GRIP2: variants seen among roughly 807,000 people sequenced by gnomAD.
GRIP2 encodes glutamate receptor-interacting protein 2.
A neutral mutation model predicts 108.3 loss-of-function variants in GRIP2; 58 were observed. The observed-to-expected ratio is 0.54, with a 90% CI of 0.43 to 0.67. The LOEUF (loss-of-function observed/expected upper bound fraction) is 0.67. Ranked by LOEUF, GRIP2 falls within the 30% of genes least tolerant of loss-of-function variation. GRIP2 has a pLI of 0.00. For synonymous variants in GRIP2, 586 were observed against 598.2 expected (o/e 0.98, Z 0.30); for missense variants, 1,278 against 1,430.6 (o/e 0.89, Z 1.72).
the GRIP2 span, chr3:14,574,153 C>G: frequency 1.1e-6 from 1 of 924,262 alleles, no homozygotes; most frequent in South Asian, 1.3e-5. Flanking sequence ...TAGATGCACA[C>G]GGCTAGAATG....
At chr3:14,527,095 G>C (rs936511615) in intron 1 of GRIP2, among the ~76,000 whole-genome samples, 2 of 152,132 alleles carry the variant, frequency 1.3e-5, no homozygotes, top group African/African-American at 4.8e-5. Flanking sequence ...GCTGAGGTAG[G>C]GGAATCACTT....
At chr3:14,587,962 A>G in the GRIP2 span, among the ~76,000 whole-genome samples, 2 of 152,262 alleles carry the variant, frequency 1.3e-5, no homozygotes, top group Admixed American at 1.3e-4. Context: ...TTCATAAAGT[A>G]GCCATGTATT....
At chr3:14,570,345 T>C in the GRIP2 span, among the ~76,000 whole-genome samples, 1 of 152,066 alleles carries the variant, frequency 6.6e-6, no homozygotes, top group Non-Finnish European at 1.5e-5. Context: ...ACCCTTACAC[T>C]GAAGCAGCAG....
upstream of GRIP2, chr3:14,542,158 TTTTA>T: frequency 6.9e-6 from 7 of 1,010,340 alleles, no homozygotes; most frequent in Admixed American, 3.4e-5. Context: ...TTTTTATTTT[TTTTA>T]TTTTTTTTTG....
At chr3:14,561,552 A>G in the GRIP2 span, among the ~76,000 whole-genome samples, 3 of 152,338 alleles carry the variant, frequency 2.0e-5, no homozygotes, top group East Asian at 5.8e-4. Context: ...CCCAGGAGAT[A>G]GGTTAAAGAA....
At position 14,521,572 on chromosome 3, in the gene GRIP2, G is replaced by A; in HGVS notation, c.712+70C>T. 1 of 1,476,330 alleles carries A rather than the reference G, an allele frequency of 6.8e-7. No homozygotes were observed. The highest frequency in any genetic ancestry group is 9.1e-7 in the Non-Finnish European group (1 of 1,097,102). The allele number at this position is 1,476,330 out of a possible 1,614,324, so 91.5% of individuals were successfully genotyped here. A position where few individuals can be genotyped will look rare whatever the true frequency, so the allele number is the denominator to read the frequency against. Reference sequence around the variant, plus strand: ...AGCCTTTGCAGTGGTAAAGATCCATGGCCACTGCCACCTCCCCCCATCCCA... The same window carrying A: ...AGCCTTTGCAGTGGTAAAGATCCATAGCCACTGCCACCTCCCCCCATCCCA... On this transcript the variant is annotated intron_variant, in intron 7 of 23. Transcript: ENST00000621039. The surrounding 1 kb of genome is among the most constrained non-coding windows in gnomAD (Gnocchi z 5.1).
At chr3:14,575,103 T>C in the GRIP2 span, among the ~76,000 whole-genome samples, 2 of 152,262 alleles carry the variant, frequency 1.3e-5, no homozygotes, top group Admixed American at 6.5e-5. Context: ...GGGGGGATCT[T>C]CTAAGGGGAT....
intron 1 of GRIP2, among the ~76,000 whole-genome samples, chr3:14,553,829 C>G (rs2124983206): frequency 6.6e-6 from 1 of 152,314 alleles, no homozygotes; most frequent in South Asian, 2.1e-4. Context: ...CGTGAATGTG[C>G]AGGCTCACTT....
intron 1 of GRIP2, among the ~76,000 whole-genome samples, chr3:14,529,028 T>C (rs1420649593): frequency 2.0e-5 from 3 of 152,028 alleles, no homozygotes; most frequent in African/African-American, 7.3e-5. Flanking sequence ...CCCAGCACTT[T>C]GGGAGGCCAA....
At position 14,507,446 on chromosome 3, in the gene GRIP2, G is replaced by A. The variant is rs911934346; in HGVS notation, c.2218+115C>T. ...TTATCTTCTTTGCCATCGCAGGCCC[G>A]CCTCCACAGGGCTGCAGTGAGGACT... On this transcript the variant is annotated intron_variant, in intron 18 of 23. Transcript: ENST00000621039. The surrounding 1 kb of genome is among the most constrained non-coding windows in gnomAD (Gnocchi z 4.6). 14 of 1,302,568 alleles carry A rather than the reference G, an allele frequency of 1.1e-5. No homozygotes were observed. The highest frequency in any genetic ancestry group is 1.9e-4 in the Middle Eastern group (1 of 5,220). The allele number at this position is 1,302,568 out of a possible 1,614,324, so 80.7% of individuals were successfully genotyped here.
upstream of GRIP2, among the ~76,000 whole-genome samples, chr3:14,542,750 C>T (rs1184946573): frequency 6.6e-6 from 1 of 152,230 alleles, no homozygotes; most frequent in South Asian, 2.1e-4. Flanking sequence ...CTACTGAGCA[C>T]ATTTTCATTT....
chr3:14,523,240 CAA>C, intron 5 of GRIP2, 165 bp from the exon 6 acceptor site: 1 of 616,348 alleles, frequency 1.6e-6, no homozygotes, highest in South Asian at 2.1e-5. Flanking sequence ...TTCGCCCTCC[CAA>C]GAGATGGTGC....
intron 21 of GRIP2, among the ~76,000 whole-genome samples, chr3:14,499,793 G>A (rs1693718097): frequency 6.6e-6 from 1 of 152,030 alleles, no homozygotes; most frequent in Admixed American, 6.6e-5. Flanking sequence ...CTGTTTACAG[G>A]GGTGTCCAAA....
At position 14,506,730 on chromosome 3, in the gene GRIP2, C is replaced by G. The variant is rs1009388800; in HGVS notation, c.2398+71G>C. On this transcript the variant is annotated intron_variant, in intron 19 of 23. Transcript: ENST00000621039. ...AGGGAGGAACAGGCACAAGAACAGT[C>G]CTGCACAGGCCCAGCAGCAGGGGCG... 15 of 1,397,772 alleles carry G rather than the reference C, an allele frequency of 1.1e-5. No homozygotes were observed. In the African/African-American group the frequency reaches 1.7e-4, roughly 16 times the overall value. The allele number at this position is 1,397,772 out of a possible 1,614,324, so 86.6% of individuals were successfully genotyped here.
rs753019988 is a variant in GRIP2, at chr3:14,514,474, C to A, written c.1311G>T (p.Ser437=). Residue 437 remains serine, a synonymous_variant, in exon 12 of 24, where the codon TCG becomes TCT. Coordinates refer to ENST00000621039, the MANE Select transcript of GRIP2 (RefSeq NM_001080423.4). ...CCGGCCCCACCGTGCTGGAGGCTAGCGACACTGTAGGACAGGTGGGCCCAG... is the reference window on the plus strand; with the variant it reads ...CCGGCCCCACCGTGCTGGAGGCTAGAGACACTGTAGGACAGGTGGGCCCAG... The part of the protein sequence containing the change: ...QRRREHKSSL[S]LASSTVGPGG... The A allele has an allele frequency of 1.9e-6, 3 of 1,568,554 alleles. No homozygotes were observed. The highest frequency in any genetic ancestry group is 1.3e-5 in the African/African-American group (1 of 74,108).
intron 17 of GRIP2, 103 bp downstream of exon 17, chr3:14,509,715 ATG>A: frequency 8.6e-7 from 1 of 1,158,412 alleles, no homozygotes; most frequent in Non-Finnish European, 1.1e-6. Context: ...CACAGTGTCA[ATG>A]TTGGAACAGA....
chr3:14,510,258 G>GTTTTTTTTTTTTTTTTTTTTTTTTTTTT, intron 16 of GRIP2, among the ~76,000 whole-genome samples: 1 of 92,288 alleles, frequency 1.1e-5, no homozygotes, highest in Non-Finnish European at 2.0e-5. Flanking sequence ...ATCATCCGTT[G>GTTTTTTTTTTTTTTTTTTTTTTTTTTTT]TTTTTTTTTT....
the GRIP2 span, among the ~76,000 whole-genome samples, chr3:14,583,060 G>T: frequency 5.3e-5 from 8 of 152,190 alleles, no homozygotes; most frequent in Admixed American, 2.6e-4. Context: ...AGAGCAAGTG[G>T]CTGAGCAGGA....
At chr3:14,526,723 T>C (rs1004014466) in intron 1 of GRIP2, among the ~76,000 whole-genome samples, 1 of 152,232 alleles carries the variant, frequency 6.6e-6, no homozygotes, top group Non-Finnish European at 1.5e-5. Flanking sequence ...TTTATCTCTC[T>C]AAGATACGTC....
Sources: gnomAD v4.1 joint callset for allele counts (sites outside exome capture counted in the v4.1 genomes callset) on GRCh38, gnomAD v4.1.1 for gene constraint, Gnocchi (gnomAD v3.1) non-coding constraint, MANE v1.5 for transcripts, NCBI Gene and HGNC (gene_info 2026-07-23, HGNC 2026-07-21) for gene names.